SUSD6: variants seen among roughly 807,000 people sequenced by gnomAD.
The protein encoded by SUSD6 is sushi domain containing 6.
SUSD6 carries 16 observed loss-of-function variants against 28.4 expected under a neutral mutation model. That is an observed-to-expected ratio of 0.56 (90% confidence interval 0.38 to 0.86). The LOEUF (loss-of-function observed/expected upper bound fraction) is 0.86. SUSD6 is among the 40% of genes least tolerant of loss of function. SUSD6 has a pLI of 0.00. For synonymous variants in SUSD6, 147 were observed against 159.6 expected (o/e 0.92, Z 0.59); for missense variants, 341 against 384.2 (o/e 0.89, Z 0.94).
chr14:69,652,692 C>G (rs775679877), intron 1 of SUSD6, among the ~76,000 whole-genome samples: 2 of 152,150 alleles, frequency 1.3e-5, no homozygotes, highest in African/African-American at 2.4e-5. Context: ...CTGGCTGTTT[C>G]CTGGCTGGCC....
At chr14:69,667,368 T>G in intron 2 of SUSD6, among the ~76,000 whole-genome samples, 1 of 112,872 alleles carries the variant, frequency 8.9e-6, no homozygotes, top group African/African-American at 3.3e-5. Context: ...TGCTCACAGT[T>G]TCTTTTTTTT....
Position 69,673,272 on chromosome 14 carries a change from C to T in SUSD6, c.121+14559C>T, listed in dbSNP as rs547360041. On this transcript the variant is annotated intron_variant, in intron 2 of 5. Transcript: ENST00000342745. ...TTGTTAAACACAGATTGCTGGGTCC[C>T]ATCCCCAGAGTTTCTGGTTCAGTAG... is the stretch of plus-strand genomic sequence containing the variant. Among the ~76,000 whole-genome samples the T allele has an allele frequency of 3.9e-5, 6 of 152,304 alleles. No individual in the cohort carries two copies. The East Asian group carries it at 1.2e-3, about 29-fold the overall frequency.
chr14:69,646,317 C>G (rs1885425371), intron 1 of SUSD6, among the ~76,000 whole-genome samples: 1 of 152,080 alleles, frequency 6.6e-6, no homozygotes, highest in Non-Finnish European at 1.5e-5. Context: ...CTCAGTATGC[C>G]CATTATAAGT....
intron 1 of SUSD6, among the ~76,000 whole-genome samples, chr14:69,623,184 C>G (rs974946294): frequency 6.6e-6 from 1 of 152,148 alleles, no homozygotes; most frequent in African/African-American, 2.4e-5. Flanking sequence ...ATCCCCATCT[C>G]GTTACAGGTA....
chr14:69,664,718 T>C (rs1885713591), intron 2 of SUSD6, among the ~76,000 whole-genome samples: 1 of 152,192 alleles, frequency 6.6e-6, no homozygotes, highest in South Asian at 2.1e-4. Flanking sequence ...TGGGTCCCTA[T>C]TGGGTTAAAG....
At position 69,688,299 on chromosome 14, in the gene SUSD6, A is replaced by G. The variant is rs116492357; in HGVS notation, c.122-15096A>G. Among the ~76,000 whole-genome samples the G allele has an allele frequency of 7.6e-3, 1,158 of 152,320 alleles. 10 individuals are homozygous for G. The highest frequency in any genetic ancestry group is 0.027 in the African/African-American group (1,108 of 41,554). On this transcript the variant is annotated intron_variant, in intron 2 of 5. Coordinates refer to ENST00000342745, the MANE Select transcript of SUSD6 (RefSeq NM_014734.4). ...ACTCTTATCTTTCCATTAGTTTGCA[A>G]ATGTAGTCCTTCAAAGTGTGTAGTG...
chr14:69,696,097 A>G (rs1566606023), intron 2 of SUSD6, among the ~76,000 whole-genome samples: 1 of 152,250 alleles, frequency 6.6e-6, no homozygotes, highest in Admixed American at 6.5e-5. Flanking sequence ...GAAATGAGCC[A>G]CAAAACAGAA....
At chr14:69,702,184 A>G (rs1006363770) in intron 2 of SUSD6, among the ~76,000 whole-genome samples, 5 of 152,244 alleles carry the variant, frequency 3.3e-5, no homozygotes, top group African/African-American at 7.2e-5. Flanking sequence ...TGTGATATTC[A>G]GGATGGGGGC....
intron 2 of SUSD6, among the ~76,000 whole-genome samples, chr14:69,675,620 TAGCTGCAAC>T (rs1404175893): frequency 1.3e-5 from 2 of 152,126 alleles, no homozygotes; most frequent in East Asian, 3.9e-4. Flanking sequence ...CAGGTAGCAA[TAGCTGCAAC>T]AGCTAATCAC....
chr14:69,708,684 C>A lies in SUSD6; in HGVS notation c.466C>A (p.Gln156Lys), dbSNP rs373936004. ...LKSFHHSRRD[Q>K]GVSGDQVSIM... The stretch of plus-strand genomic sequence containing the variant: ...TTTCCTCCTCCACTCCAGGCGTGAC[C>A]AGGGGGTATCTGGGGACCAGGTCTC... Residue 156 changes from glutamine (Q) to lysine (K), a missense_variant, in exon 5 of 6, where the codon CAG (glutamine) becomes AAG (lysine). Gln to Lys is a moderately conservative substitution (Grantham distance 53). Coordinates refer to ENST00000342745, the MANE Select transcript of SUSD6 (RefSeq NM_014734.4). 1.9e-6 allele frequency: 3 copies of A among 1,571,876 alleles called. No homozygotes were observed. The highest frequency in any genetic ancestry group is 1.2e-5 in the South Asian group (1 of 85,336).
chr14:69,668,406 G>A (rs1055109771), intron 2 of SUSD6, among the ~76,000 whole-genome samples: 3 of 152,006 alleles, frequency 2.0e-5, no homozygotes, highest in Admixed American at 1.3e-4. Context: ...AGGCTGAGGC[G>A]GGTATATCAT....
rs76029791 is a variant in SUSD6, at chr14:69,630,658, C to G, written c.-81+18830C>G. Among the ~76,000 whole-genome samples the G allele has an allele frequency of 1.6e-4, 24 of 151,900 alleles. No individual in the cohort carries two copies. The East Asian group carries it at 4.6e-3, about 29-fold the overall frequency. On this transcript the variant is annotated intron_variant, in intron 1 of 5. Coordinates refer to ENST00000342745, the MANE Select transcript of SUSD6 (RefSeq NM_014734.4). Reference sequence around the variant, plus strand: ...CCAGGCAGCGTGCTTCATGTTTGGACTCTTGAAGAACACACATGGAAAAAA... The same window carrying G: ...CCAGGCAGCGTGCTTCATGTTTGGAGTCTTGAAGAACACACATGGAAAAAA...
At chr14:69,685,372 C>T (rs1309231916) in intron 2 of SUSD6, among the ~76,000 whole-genome samples, 1 of 152,222 alleles carries the variant, frequency 6.6e-6, no homozygotes, top group Non-Finnish European at 1.5e-5. Context: ...TGGCTGGAGG[C>T]ATCTGCAAAG....
At position 69,689,217 on chromosome 14, in the gene SUSD6, A is replaced by G. The variant is rs572455020; in HGVS notation, c.122-14178A>G. On this transcript the variant is annotated intron_variant, in intron 2 of 5. Coordinates refer to ENST00000342745, the MANE Select transcript of SUSD6 (RefSeq NM_014734.4). The stretch of plus-strand genomic sequence containing the variant: ...TTAATCCTTCTTCAGAACTTTCTGT[A>G]GCCCATATTGATTTCTAACATATAT... 2.2e-4 allele frequency among the ~76,000 whole-genome samples: 33 copies of G among 152,316 alleles called. 1 individual carries two copies. The South Asian group carries it at 6.8e-3, about 32-fold the overall frequency.
rs767875932 is a variant in SUSD6, at chr14:69,667,081, G to A, written c.121+8368G>A. Among the ~76,000 whole-genome samples, 21 of 152,180 alleles carry A rather than the reference G, an allele frequency of 1.4e-4. 1 individual carries two copies. In the South Asian group the frequency reaches 2.1e-3, roughly 15 times the overall value. ...TCACTGGCTTGGCTTCTGATGATTC[G>A]GCCTTGTTGACCCTGGCTATGGTAA... On this transcript the variant is annotated intron_variant, in intron 2 of 5. Transcript: ENST00000342745.
At chr14:69,684,965 T>C (rs1344349725) in intron 2 of SUSD6, among the ~76,000 whole-genome samples, 1 of 152,234 alleles carries the variant, frequency 6.6e-6, no homozygotes, top group Non-Finnish European at 1.5e-5. Context: ...CTCATACCAC[T>C]CTGAGTTATC....
At chr14:69,631,713 A>G (rs567502434) in intron 1 of SUSD6, among the ~76,000 whole-genome samples, 6 of 152,344 alleles carry the variant, frequency 3.9e-5, no homozygotes, top group African/African-American at 1.4e-4. Flanking sequence ...GAAGTCCTGC[A>G]GGATGACAAA....
chr14:69,654,442 A>G lies in SUSD6; in HGVS notation c.-80-4071A>G, dbSNP rs562730103. On this transcript the variant is annotated intron_variant, in intron 1 of 5. Coordinates refer to ENST00000342745, the MANE Select transcript of SUSD6 (RefSeq NM_014734.4). ...AGCAGGGTAAGAAGGGGTCATTTCTACGTTGGAGGTGGGTGTGGTGTGAAG... is the reference window on the plus strand; with the variant it reads ...AGCAGGGTAAGAAGGGGTCATTTCTGCGTTGGAGGTGGGTGTGGTGTGAAG... 6.6e-5 allele frequency among the ~76,000 whole-genome samples: 10 copies of G among 152,288 alleles called. 1 individual carries two copies. Among genetic ancestry groups the G allele is most frequent in the Admixed American group, 5.9e-4 (9 of 15,294 alleles).
chr14:69,625,496 G>A (rs535000801), intron 1 of SUSD6, among the ~76,000 whole-genome samples: 5 of 152,274 alleles, frequency 3.3e-5, no homozygotes, highest in Admixed American at 2.0e-4. Context: ...CTGTCAGAGT[G>A]GGTGGCAGCA....
Sources: gnomAD v4.1 joint callset for allele counts (sites outside exome capture counted in the v4.1 genomes callset) on GRCh38, gnomAD v4.1.1 for gene constraint, MANE v1.5 for transcripts, NCBI Gene and HGNC (gene_info 2026-07-23, HGNC 2026-07-21) for gene names.